HS6ST3: variants seen among roughly 807,000 people sequenced by gnomAD.
HS6ST3 encodes the protein heparan sulfate 6-O-sulfotransferase 3.
Under a neutral mutation model 36.7 loss-of-function variants are expected in HS6ST3, and 12 were observed. The ratio of observed to expected loss-of-function variants is 0.33; its 90% CI spans 0.21 to 0.53. The LOEUF (loss-of-function observed/expected upper bound fraction) is 0.53, where lower values mean the gene tolerates loss of function less well. Among genes scored for constraint, HS6ST3 ranks in the 20% least tolerant of loss-of-function variants. HS6ST3 has a pLI of 0.95. For synonymous variants in HS6ST3, 240 were observed against 257.5 expected, an observed-to-expected ratio of 0.93 and a Z score of 0.65; for missense variants, 584 against 640.9, an observed-to-expected ratio of 0.91 and a Z score of 0.96.
At chr13:96,381,410 G>GTATCTATGTATCTATCTATCTATCTATC (rs141594405) in intron 1 of HS6ST3, among the ~76,000 whole-genome samples, 14,870 of 138,252 alleles carry the variant, frequency 0.11, 1,165 homozygotes, top group Non-Finnish European at 0.15. Flanking sequence ...ATGTATCTAT[G>GTATCTATGTATCTATCTATCTATCTATC]TATCTATCTA....
intron 1 of HS6ST3, among the ~76,000 whole-genome samples, chr13:96,720,879 G>C (rs1183111646): frequency 6.6e-6 from 1 of 152,118 alleles, no homozygotes; most frequent in Non-Finnish European, 1.5e-5. Context: ...ATGTTTAAGG[G>C]TGTCATTAAA....
At chr13:96,212,030 G>A (rs1415588161) in intron 1 of HS6ST3, among the ~76,000 whole-genome samples, 1 of 152,194 alleles carries the variant, frequency 6.6e-6, no homozygotes, top group African/African-American at 2.4e-5. Flanking sequence ...ATTTAGGTAT[G>A]CCCCACTAAC....
chr13:96,671,535 A>G (rs988987959), intron 1 of HS6ST3, among the ~76,000 whole-genome samples: 1 of 152,096 alleles, frequency 6.6e-6, no homozygotes, highest in Non-Finnish European at 1.5e-5. Context: ...AATAACAGAC[A>G]TGTATTTTTC....
At chr13:96,335,396 G>C (rs964242390) in intron 1 of HS6ST3, among the ~76,000 whole-genome samples, 1 of 152,188 alleles carries the variant, frequency 6.6e-6, no homozygotes, top group Non-Finnish European at 1.5e-5. Flanking sequence ...CCTTGGTGAT[G>C]AACAGGGTGG....
chr13:96,758,244 ATCT>A (rs767785000), intron 1 of HS6ST3, among the ~76,000 whole-genome samples: 5 of 151,896 alleles, frequency 3.3e-5, no homozygotes, highest in Admixed American at 6.6e-5. Flanking sequence ...TCCTTTTAAA[ATCT>A]TCTCCATACT....
chr13:96,447,569 C>G lies in HS6ST3; in HGVS notation c.707+356000C>G, dbSNP rs957953245. Among the ~76,000 whole-genome samples, 4 of 152,212 alleles carry G rather than the reference C, an allele frequency of 2.6e-5. No homozygotes were observed. The East Asian group carries it at 7.7e-4, about 29-fold the overall frequency. ...CAAACATGGCGATTCCTGCTGCCTT[C>G]TTCTTGCCCTTGGCCTACATGTGCC... is the stretch of plus-strand genomic sequence containing the variant. On this transcript the variant is annotated intron_variant, in intron 1 of 1. Coordinates refer to ENST00000376705, the MANE Select transcript of HS6ST3 (RefSeq NM_153456.4).
chr13:96,645,505 C>G (rs896802446), intron 1 of HS6ST3, among the ~76,000 whole-genome samples: 2 of 150,220 alleles, frequency 1.3e-5, no homozygotes, highest in Admixed American at 6.7e-5. Context: ...CGTATTCCAC[C>G]GAGGTGAAAT....
chr13:96,828,125 A>G (rs959067406), intron 1 of HS6ST3, among the ~76,000 whole-genome samples: 2 of 152,192 alleles, frequency 1.3e-5, no homozygotes, highest in Non-Finnish European at 2.9e-5. Flanking sequence ...ACAGTCATGG[A>G]AAATGGTGAT....
intron 1 of HS6ST3, among the ~76,000 whole-genome samples, chr13:96,623,569 C>G (rs1224385804): frequency 1.3e-5 from 2 of 152,030 alleles, no homozygotes; most frequent in African/African-American, 4.8e-5. Context: ...CTGAGTAGTT[C>G]TTTCAGAAAA....
At chr13:96,419,071 G>C (rs1038943082) in intron 1 of HS6ST3, among the ~76,000 whole-genome samples, 53 of 152,312 alleles carry the variant, frequency 3.5e-4, no homozygotes, top group African/African-American at 1.2e-3. Flanking sequence ...TTTTTCTAGT[G>C]TCAATTGAAT....
intron 1 of HS6ST3, among the ~76,000 whole-genome samples, chr13:96,695,954 T>A (rs188515183): frequency 5.7e-4 from 87 of 152,288 alleles, no homozygotes; most frequent in Non-Finnish European, 1.0e-3. Flanking sequence ...TCCTTTGTAA[T>A]AACTTGTTAA....
chr13:96,472,074 C>T (rs536720540), intron 1 of HS6ST3, among the ~76,000 whole-genome samples: 217 of 152,280 alleles, frequency 1.4e-3, no homozygotes, highest in African/African-American at 5.1e-3. Context: ...CTGTCACTAC[C>T]ACCCACATAC....
chr13:96,396,687 A>G (rs2139455025), intron 1 of HS6ST3, among the ~76,000 whole-genome samples: 1 of 152,288 alleles, frequency 6.6e-6, no homozygotes, highest in East Asian at 1.9e-4. Flanking sequence ...CTAAACACTT[A>G]CCAGCACAGC....
intron 1 of HS6ST3, among the ~76,000 whole-genome samples, chr13:96,153,053 T>G (rs1344282469): frequency 6.6e-6 from 1 of 152,124 alleles, no homozygotes; most frequent in East Asian, 1.9e-4. Context: ...TCCCAGAGCT[T>G]TTACCAGTTC....
intron 1 of HS6ST3, among the ~76,000 whole-genome samples, chr13:96,352,579 T>C (rs1306014999): frequency 6.6e-6 from 1 of 152,186 alleles, no homozygotes; most frequent in Non-Finnish European, 1.5e-5. Flanking sequence ...AATATCCTGT[T>C]GGTTACACAG....
intron 1 of HS6ST3, among the ~76,000 whole-genome samples, chr13:96,482,415 T>C (rs1350931918): frequency 3.3e-5 from 5 of 152,202 alleles, no homozygotes; most frequent in Admixed American, 3.3e-4. Context: ...ATGACAATAA[T>C]TTTTTCATCT....
intron 1 of HS6ST3, among the ~76,000 whole-genome samples, chr13:96,246,247 T>A (rs2054584520): frequency 1.3e-5 from 2 of 152,112 alleles, no homozygotes; most frequent in Admixed American, 1.3e-4. Context: ...ACACAGCCAG[T>A]GTAGCCAACC....
intron 1 of HS6ST3, among the ~76,000 whole-genome samples, chr13:96,327,506 T>C (rs1237470197): frequency 6.6e-6 from 1 of 152,078 alleles, no homozygotes; most frequent in Non-Finnish European, 1.5e-5. Flanking sequence ...GTGGCGTTAT[T>C]TCTGAGGGCT....
At chr13:96,519,394 T>G (rs2056084807) in intron 1 of HS6ST3, among the ~76,000 whole-genome samples, 1 of 152,204 alleles carries the variant, frequency 6.6e-6, no homozygotes, top group Non-Finnish European at 1.5e-5. Flanking sequence ...TGAGGTGAAG[T>G]CTTGTTTTGC....
Sources: allele counts gnomAD v4.1 joint callset (sites outside exome capture counted in the v4.1 genomes callset), GRCh38; gene constraint gnomAD v4.1.1; transcripts MANE v1.5; gene names NCBI Gene and HGNC (gene_info 2026-07-23, HGNC 2026-07-21).